NARF: variants seen among roughly 807,000 people sequenced by gnomAD.
The protein encoded by NARF is nuclear prelamin A recognition factor, also known as iron-only hydrogenase-like protein 2.
Under a neutral mutation model 48.0 loss-of-function variants are expected in NARF, and 41 were observed. The observed-to-expected ratio is 0.85, with a 90% CI of 0.66 to 1.11. NARF has a LOEUF of 1.11. Among genes scored for constraint, NARF ranks in the 50% least tolerant of loss-of-function variants. The pLI is 0.00. For synonymous variants in NARF, 215 were observed against 225.5 expected (o/e 0.95, Z 0.42); for missense variants, 613 against 590.2 (o/e 1.04, Z -0.40).
intron 2 of NARF, 131 bp downstream of exon 2, chr17:82,460,203 G>C: frequency 1.4e-6 from 1 of 727,612 alleles, no homozygotes; most frequent in Non-Finnish European, 2.2e-6. Flanking sequence ...GGTGGCTCAC[G>C]CCTGGAATCC....
chr17:82,471,531 G>A (rs1443003030), intron 4 of NARF, among the ~76,000 whole-genome samples: 12 of 149,724 alleles, frequency 8.0e-5, no homozygotes, highest in African/African-American at 2.5e-4. Context: ...GGTGGCTCAC[G>A]CCTGTAATCC....
intron 7 of NARF, chr17:82,482,795 C>T (rs773253421): frequency 9.2e-5 from 14 of 151,964 alleles, no homozygotes; most frequent in Admixed American, 1.3e-4. Flanking sequence ...GAGACCTCGT[C>T]TCTTTTTTTT....
intron 4 of NARF, 117 bp downstream of exon 4, chr17:82,469,013 T>C: frequency 8.6e-7 from 1 of 1,159,324 alleles, no homozygotes; most frequent in Non-Finnish European, 1.2e-6. Context: ...CAAAAGAGTC[T>C]CTTGGAACGT....
intron 8 of NARF, 114 bp downstream of exon 8, chr17:82,483,893 T>G: frequency 2.2e-6 from 2 of 912,900 alleles, no homozygotes; most frequent in Non-Finnish European, 3.5e-6. Context: ...TGTGAAGCAC[T>G]GCGATGCAGT....
chr17:82,469,624 G>A (rs2143863380), intron 4 of NARF, among the ~76,000 whole-genome samples: 1 of 152,112 alleles, frequency 6.6e-6, no homozygotes, highest in Middle Eastern at 3.4e-3. Context: ...TGTTTTTTGA[G>A]CTGGAGTCTC....
chr17:82,483,893 T>A, intron 8 of NARF, 114 bp downstream of exon 8: 1 of 912,900 alleles, frequency 1.1e-6, no homozygotes, highest in Non-Finnish European at 1.7e-6. Context: ...TGTGAAGCAC[T>A]GCGATGCAGT....
intron 5 of NARF, among the ~76,000 whole-genome samples, chr17:82,476,292 C>T (rs995566165): frequency 1.3e-5 from 2 of 152,172 alleles, no homozygotes; most frequent in Non-Finnish European, 2.9e-5. Context: ...CAGGCACTTG[C>T]CACCATGCCC....
intron 2 of NARF, chr17:82,460,873 G>A (rs1460462192): frequency 6.6e-6 from 1 of 151,758 alleles, no homozygotes; most frequent in African/African-American, 2.4e-5. Flanking sequence ...CACTGCATTG[G>A]GAACAAAGAA....
rs201117125 is a variant in NARF, at chr17:82,485,565, A to T, written c.1040A>T (p.Tyr347Phe). ...GEVVLRFAAA[Y>F]GFRNIQNMIL... is the part of the protein sequence containing the mutation. ...GTGGTGTTACGCTTTGCTGCAGCCTATGGCTTTCGAAACATCCAGAACATG... is the reference window on the plus strand; with the variant it reads ...GTGGTGTTACGCTTTGCTGCAGCCTTTGGCTTTCGAAACATCCAGAACATG... Residue 347 changes from tyrosine (Y) to phenylalanine (F), a missense_variant, in exon 10 of 11, where the codon TAT becomes TTT. By Grantham distance (22) the Tyr-to-Phe change is conservative. Transcript: ENST00000309794. 1 of 1,614,260 alleles carries T rather than the reference A, an allele frequency of 6.2e-7. No homozygotes were observed. Among genetic ancestry groups the T allele is most frequent in the Non-Finnish European group, 8.5e-7 (1 of 1,180,048 alleles).
intron 9 of NARF, among the ~76,000 whole-genome samples, 159 bp from the exon 10 acceptor site, chr17:82,485,338 G>A (rs1001328714): frequency 2.6e-5 from 4 of 151,928 alleles, no homozygotes; most frequent in Non-Finnish European, 5.9e-5. Flanking sequence ...GGAGAATGGC[G>A]TGAACCCGGG....
intron 7 of NARF, 100 bp from the exon 8 acceptor site, chr17:82,483,616 G>A (rs2044023946): frequency 9.5e-7 from 1 of 1,047,210 alleles, no homozygotes. Flanking sequence ...TTCATAAGAG[G>A]GAGGTCACCC....
chr17:82,479,717 G>A (rs188994118), intron 6 of NARF, among the ~76,000 whole-genome samples: 6 of 152,348 alleles, frequency 3.9e-5, no homozygotes, highest in Non-Finnish European at 1.5e-5. Context: ...GACATTTGAA[G>A]TCAGCCTAAA....
upstream of NARF, chr17:82,458,658 G>A (rs2043344836): frequency 1.9e-6 from 2 of 1,048,496 alleles, no homozygotes; most frequent in African/African-American, 3.4e-5. Context: ...CTCTCCCGGT[G>A]CTCTCATTGG....
chr17:82,487,996 T>G lies in NARF; in HGVS notation c.1210T>G (p.Tyr404Asp). The G allele has an allele frequency of 1.2e-6, 2 of 1,614,224 alleles. No individual in the cohort carries two copies. The highest frequency in any genetic ancestry group is 1.7e-6 in the Non-Finnish European group (2 of 1,180,052). Residue 404 changes from tyrosine (Y) to aspartate (D), a missense_variant, in exon 11 of 11, where the codon TAC becomes GAC. Transcript: ENST00000309794. The part of the protein sequence containing the change: ...KALLRQMEGI[Y>D]ADIPVRRPES... ...CCTGCTGCGGCAGATGGAAGGCATT[T>G]ACGCTGACATCCCTGTGCGGCGTCC... is the stretch of plus-strand genomic sequence containing the variant.
rs2044132794 is a variant in NARF, at chr17:82,487,929, C to T, written c.1143C>T (p.Gly381=). Residue 381 remains glycine (G), a synonymous_variant, in exon 11 of 11, where the codon GGC becomes GGT. Transcript: ENST00000309794. ...TTTATCTTTCAGGATGCTTAAATGGCAGAGGCCAAGCCCAGACTCCAGACG... is the reference window on the plus strand; with the variant it reads ...TTTATCTTTCAGGATGCTTAAATGGTAGAGGCCAAGCCCAGACTCCAGACG... ...VLACAGGCLN[G]RGQAQTPDGH... is the part of the protein sequence containing the mutation. The T allele has an allele frequency of 6.2e-7, 1 of 1,614,188 alleles. No individual in the cohort carries two copies. Among genetic ancestry groups the T allele is most frequent in the South Asian group, 1.1e-5 (1 of 91,090 alleles).
chr17:82,459,830 C>G (rs2043389118), intron 1 of NARF, among the ~76,000 whole-genome samples, 162 bp from the exon 2 acceptor site: 1 of 152,006 alleles, frequency 6.6e-6, no homozygotes, highest in Admixed American at 6.6e-5. Flanking sequence ...GATTGCGCCC[C>G]TGCACTCCAG....
At chr17:82,480,935 A>G in intron 6 of NARF, 147 bp from the exon 7 acceptor site, 1 of 992,308 alleles carries the variant, frequency 1.0e-6, no homozygotes, top group Non-Finnish European at 1.4e-6. Context: ...CATTTCAAAA[A>G]AAAAAAAAAA....
At chr17:82,470,878 T>C (rs2043684118) in intron 4 of NARF, among the ~76,000 whole-genome samples, 1 of 151,912 alleles carries the variant, frequency 6.6e-6, no homozygotes, top group Admixed American at 6.6e-5. Context: ...ATTAAAAAAA[T>C]CAGGCCGGGT....
chr17:82,479,576 A>G (rs1156231580), intron 6 of NARF, among the ~76,000 whole-genome samples: 4 of 152,070 alleles, frequency 2.6e-5, no homozygotes, highest in African/African-American at 7.2e-5. Context: ...CCCTAATCCC[A>G]TGGTTTATTC....
Sources: gnomAD v4.1 joint callset for allele counts (sites outside exome capture counted in the v4.1 genomes callset) on GRCh38, gnomAD v4.1.1 for gene constraint, MANE v1.5 for transcripts, NCBI Gene and HGNC (gene_info 2026-07-23, HGNC 2026-07-21) for gene names.